Variants in HYDIN observed in about 807,000 individuals in gnomAD.
HYDIN encodes the protein axonemal central pair apparatus protein HYDIN.
A neutral mutation model predicts 403.9 loss-of-function variants in HYDIN; 132 were observed. The observed-to-expected ratio is 0.33, with a 90% CI of 0.28 to 0.38. The LOEUF is 0.38. Among genes scored for constraint, HYDIN ranks in the 10% least tolerant of loss-of-function variants. The pLI, the probability that HYDIN is intolerant of heterozygous loss-of-function variation, is 1.00. For missense variants in HYDIN, 2,827 were observed against 5,009.5 expected (o/e 0.56, Z 13.15); for synonymous variants, 1,202 against 1,891.7 (o/e 0.64, Z 9.46).
chr16:70,887,294 T>C (rs2041198664), intron 58 of HYDIN, among the ~76,000 whole-genome samples: 1 of 152,136 alleles, frequency 6.6e-6, no homozygotes, highest in Non-Finnish European at 1.5e-5. Context: ...TTATTCTGGA[T>C]TATAATGGGC....
intron 30 of HYDIN, among the ~76,000 whole-genome samples, chr16:70,976,717 G>A (rs536213307): frequency 2.0e-5 from 3 of 152,246 alleles, no homozygotes; most frequent in South Asian, 2.1e-4. Flanking sequence ...ACTATTCAAG[G>A]AGATTCCATT....
At chr16:71,015,439 A>T (rs1425096277) in intron 23 of HYDIN, among the ~76,000 whole-genome samples, 6 of 139,268 alleles carry the variant, frequency 4.3e-5, no homozygotes, top group Non-Finnish European at 9.1e-5. Flanking sequence ...TCCCAGATGG[A>T]ATAAACTCAT....
chr16:70,938,002 T>A (rs979364252), intron 44 of HYDIN, among the ~76,000 whole-genome samples: 3 of 152,182 alleles, frequency 2.0e-5, no homozygotes, highest in African/African-American at 7.2e-5. Context: ...TCTGTGTGGT[T>A]CCCAGGGAGG....
At position 70,898,119 on chromosome 16, in the gene HYDIN, A is replaced by C. The variant is rs535845871; in HGVS notation, c.9049-2039T>G. 5.9e-5 allele frequency among the ~76,000 whole-genome samples: 9 copies of C among 152,322 alleles called. No individual in the cohort carries two copies. In the East Asian group the frequency reaches 1.7e-3, roughly 29 times the overall value. On this transcript the variant is annotated intron_variant, in intron 53 of 85. Transcript: ENST00000393567. The stretch of plus-strand genomic sequence containing the variant: ...AGGAGGTGGAAGTTGCAGTGAGCTG[A>C]GATTGCACCACTGCACTCCAGCCTG...
Position 71,125,694 on chromosome 16 carries a change from G to C in HYDIN, c.1227+3946C>G, listed in dbSNP as rs1268455376. Among the ~76,000 whole-genome samples the C allele has an allele frequency of 6.6e-5, 10 of 152,020 alleles. No individual in the cohort carries two copies. In the South Asian group the frequency reaches 1.3e-3, roughly 19 times the overall value. Reference sequence around the variant, plus strand: ...TCCCAATATCTTCAGCACAGCTTTGGAGAAACACAAATGAAATTCCTCACA... The same window carrying C: ...TCCCAATATCTTCAGCACAGCTTTGCAGAAACACAAATGAAATTCCTCACA... On this transcript the variant is annotated intron_variant, in intron 9 of 85. Coordinates refer to ENST00000393567, the MANE Select transcript of HYDIN (RefSeq NM_001270974.2).
At chr16:71,195,303 C>T (rs972315524) in intron 1 of HYDIN, among the ~76,000 whole-genome samples, 1 of 151,294 alleles carries the variant, frequency 6.6e-6, no homozygotes, top group African/African-American at 2.4e-5. Flanking sequence ...GAATTCTATG[C>T]AATTAACTTT....
At chr16:71,043,931 A>G (rs1568046805) in intron 18 of HYDIN, among the ~76,000 whole-genome samples, 1 of 151,348 alleles carries the variant, frequency 6.6e-6, no homozygotes, top group African/African-American at 2.4e-5. Context: ...TAAAAAAAAA[A>G]GAAAGAAAGA....
chr16:70,885,460 T>C (rs1380861428), intron 58 of HYDIN, among the ~76,000 whole-genome samples: 8 of 151,512 alleles, frequency 5.3e-5, no homozygotes, highest in Admixed American at 4.6e-4. Context: ...AATGGCATGA[T>C]GTTGTCTCAA....
At chr16:71,059,771 A>C (rs1356559737) in intron 18 of HYDIN, among the ~76,000 whole-genome samples, 1 of 152,208 alleles carries the variant, frequency 6.6e-6, no homozygotes, top group African/African-American at 2.4e-5. Context: ...GTACCTCCTG[A>C]AACTAAAATA....
intron 58 of HYDIN, among the ~76,000 whole-genome samples, chr16:70,888,791 ACT>A (rs1368161523): frequency 3.3e-5 from 5 of 151,770 alleles, no homozygotes; most frequent in African/African-American, 4.8e-5. Flanking sequence ...TGGAGTCTAG[ACT>A]CTCTATTTGG....
chr16:70,816,944 GA>G (rs1322391958), intron 84 of HYDIN, among the ~76,000 whole-genome samples: 1 of 130,498 alleles, frequency 7.7e-6, no homozygotes, highest in Non-Finnish European at 1.5e-5. Context: ...GTGAGTTCAA[GA>G]AAGACGTAAT....
At chr16:71,192,502 T>G (rs371817305) in intron 1 of HYDIN, among the ~76,000 whole-genome samples, 1 of 152,216 alleles carries the variant, frequency 6.6e-6, no homozygotes, top group Non-Finnish European at 1.5e-5. Context: ...TTACACTTGA[T>G]GCTCTACCAG....
intron 60 of HYDIN, among the ~76,000 whole-genome samples, chr16:70,880,580 G>A (rs1366445257): frequency 6.6e-6 from 1 of 152,192 alleles, no homozygotes; most frequent in Non-Finnish European, 1.5e-5. Flanking sequence ...ACCTGTGCCT[G>A]AGGTGTCTGA....
intron 57 of HYDIN, among the ~76,000 whole-genome samples, chr16:70,890,001 G>A (rs1236229458): frequency 6.6e-6 from 1 of 152,262 alleles, no homozygotes; most frequent in Non-Finnish European, 1.5e-5. Context: ...CTGGAAAGCA[G>A]TGTGCAGAAA....
Position 70,961,950 on chromosome 16 carries a change from C to A in HYDIN, c.5968+9G>T. ...GAACTAGTATCAAAACACTAAAATG[C>A]TCGGTTACTTTGGAAAATGATTTTT... On this transcript the variant is annotated intron_variant, in intron 38 of 85. Transcript: ENST00000393567. The A allele has an allele frequency of 8.5e-7, 1 of 1,177,504 alleles. No individual in the cohort carries two copies. The highest frequency in any genetic ancestry group is 3.0e-5 in the East Asian group (1 of 33,088). 72.9% of individuals were successfully genotyped at this position (1,177,504 alleles called of 1,614,324 possible). A position where few individuals can be genotyped will look rare whatever the true frequency, so the allele number is the denominator to read the frequency against.
chr16:71,158,729 T>G (rs1597908677), intron 6 of HYDIN, among the ~76,000 whole-genome samples: 5 of 150,066 alleles, frequency 3.3e-5, no homozygotes, highest in African/African-American at 1.2e-4. Context: ...TCACCCAGGC[T>G]GGAGTGCAGT....
At chr16:71,188,952 A>G (rs553520791) in intron 1 of HYDIN, among the ~76,000 whole-genome samples, 2 of 152,322 alleles carry the variant, frequency 1.3e-5, no homozygotes, top group South Asian at 4.1e-4. Flanking sequence ...TAGAAACTTA[A>G]AAACAAAACA....
At chr16:71,148,370 T>A (rs1489713394) in intron 7 of HYDIN, among the ~76,000 whole-genome samples, 1 of 152,222 alleles carries the variant, frequency 6.6e-6, no homozygotes, top group Admixed American at 6.5e-5. Context: ...CACAGCATAC[T>A]AATGTCTAGC....
Position 71,067,319 on chromosome 16 carries a change from T to A in HYDIN, c.2046A>T (p.Glu682Asp). Reference sequence around the variant, plus strand: ...CTGTAATTAAGAGCGCCAGCACCTCTTCTCCGATGCCCTCCACGTCCACCA... The same window carrying A: ...CTGTAATTAAGAGCGCCAGCACCTCATCTCCGATGCCCTCCACGTCCACCA... ...ALVVDVEGIG[E>D]EVLALLITAR... Residue 682 changes from glutamate (E) to aspartate (D), a missense_variant, in exon 15 of 86, where the codon GAA becomes GAT. Glu to Asp is a conservative substitution (Grantham distance 45). Coordinates refer to ENST00000393567, the MANE Select transcript of HYDIN (RefSeq NM_001270974.2). 1.2e-6 allele frequency: 2 copies of A among 1,613,152 alleles called. No individual in the cohort carries two copies. Among genetic ancestry groups the A allele is most frequent in the African/African-American group, 2.7e-5 (2 of 74,930 alleles).
Sources: allele counts gnomAD v4.1 joint callset (sites outside exome capture counted in the v4.1 genomes callset), GRCh38; gene constraint gnomAD v4.1.1; transcripts MANE v1.5; gene names NCBI Gene and HGNC (gene_info 2026-07-23, HGNC 2026-07-21).